Variants in TMEM212 observed in about 807,000 individuals in gnomAD.
TMEM212 encodes the protein transmembrane protein 212.
Under a neutral mutation model 20.5 loss-of-function variants are expected in TMEM212, and 23 were observed. That is an observed-to-expected ratio of 1.12 (90% confidence interval 0.81 to 1.59). TMEM212 has a LOEUF of 1.59. TMEM212 is among the 40% of genes most tolerant of loss of function. The pLI is 0.00. For synonymous variants in TMEM212, 76 were observed against 81.6 expected, an observed-to-expected ratio of 0.93 and a Z score of 0.37; for missense variants, 211 against 215.0, an observed-to-expected ratio of 0.98 and a Z score of 0.12.
In TMEM212 at chr3:171,843,516, G is replaced by C; in HGVS notation, c.133G>C (p.Ala45Pro). Residue 45 changes from alanine (A) to proline (P), a missense_variant, in exon 1 of 5, where the codon GCT becomes CCT. Physicochemically the swap from Ala to Pro is conservative, Grantham distance 27. Transcript: ENST00000334567. ...PWFTGWSVRI[A>P]CPIWNGALAI... ...GTTCACAGGATGGAGTGTTCGAATT[G>C]CTTGTCCTATCTGGAATGGAGCTTT... 6.5e-7 allele frequency: 1 copy of C among 1,535,774 alleles called. No homozygotes were observed. Among genetic ancestry groups the C allele is most frequent in the Non-Finnish European group, 8.7e-7 (1 of 1,146,186 alleles).
Position 171,843,533 on chromosome 3 carries a change from T to G in TMEM212, c.150T>G (p.Asn50Lys), listed in dbSNP as rs1724761861. 1 of 1,531,604 alleles carries G rather than the reference T, an allele frequency of 6.5e-7. No homozygotes were observed. The highest frequency in any genetic ancestry group is 1.4e-5 in the African/African-American group (1 of 72,924). 94.9% of individuals were successfully genotyped at this position (1,531,604 alleles called of 1,614,324 possible). The change falls in exon 1 of 5, where the codon AAT becomes AAG. Residue 50 changes from asparagine to lysine, a missense_variant. By Grantham distance (94) the Asn-to-Lys change is moderately conservative. Coordinates refer to ENST00000334567, the MANE Select transcript of TMEM212 (RefSeq NM_001164436.2). ...WSVRIACPIW[N>K]GALAITTGVL... ...TTCGAATTGCTTGTCCTATCTGGAA[T>G]GGAGCTTTGGTATGAAAATAGTTTA...
At chr3:171,856,632 T>G in intron 3 of TMEM212, 31 bp from the exon 4 acceptor site, 2 of 674,202 alleles carry the variant, frequency 3.0e-6, no homozygotes, top group African/African-American at 3.6e-5. Flanking sequence ...AGAAGCCTTA[T>G]CAAATTTGCT....
intron 1 of TMEM212, among the ~76,000 whole-genome samples, chr3:171,848,580 G>GAATAGAATAGA (rs1724891141): frequency 6.6e-4 from 96 of 144,632 alleles, no homozygotes; most frequent in African/African-American, 2.4e-3. Flanking sequence ...AATAGAATAG[G>GAATAGAATAGA]ATAGAATAGA....
intron 1 of TMEM212, among the ~76,000 whole-genome samples, chr3:171,851,100 G>A (rs1261020886): frequency 6.6e-6 from 1 of 152,046 alleles, no homozygotes; most frequent in Non-Finnish European, 1.5e-5. Flanking sequence ...ATTTAGAGCT[G>A]TCCATATTCT....
chr3:171,854,285 G>T (rs1013770520), intron 3 of TMEM212, among the ~76,000 whole-genome samples: 2 of 152,038 alleles, frequency 1.3e-5, no homozygotes, highest in African/African-American at 4.8e-5. Context: ...ATACCCTAAA[G>T]ACTCCATAAA....
intron 1 of TMEM212, among the ~76,000 whole-genome samples, chr3:171,848,433 C>A (rs1433591361): frequency 6.6e-6 from 1 of 152,216 alleles, no homozygotes; most frequent in Non-Finnish European, 1.5e-5. Context: ...TCTATACCCC[C>A]TTACCACTTG....
chr3:171,854,826 G>C (rs1255076466), intron 3 of TMEM212, among the ~76,000 whole-genome samples: 1 of 152,138 alleles, frequency 6.6e-6, no homozygotes, highest in Non-Finnish European at 1.5e-5. Context: ...ATAGAGCTCA[G>C]AAATAAACCC....
intron 1 of TMEM212, among the ~76,000 whole-genome samples, chr3:171,843,874 G>GA (rs754154750): frequency 1.1e-4 from 17 of 151,916 alleles, no homozygotes; most frequent in African/African-American, 3.4e-4. Flanking sequence ...TTTGAATTTA[G>GA]AAAAAAACAT....
rs775673822 is a variant in TMEM212 at position 171,859,213 on chromosome 3, T to A, written c.*1156T>A. ...ATTCCTAATGTAGATGATGAGTTGA[T>A]GGGTGTGGCAAACCAACATGGCACA... is the stretch of plus-strand genomic sequence containing the variant. On this transcript the variant is annotated 3_prime_UTR_variant, in exon 5 of 5. Coordinates refer to ENST00000334567, the MANE Select transcript of TMEM212 (RefSeq NM_001164436.2). 6.6e-6 allele frequency: 1 copy of A among 152,064 alleles called. No individual in the cohort carries two copies. The highest frequency in any genetic ancestry group is 1.5e-5 in the Non-Finnish European group (1 of 68,038). 9.4% of individuals were successfully genotyped at this position (152,064 alleles called of 1,614,324 possible).
intron 2 of TMEM212, among the ~76,000 whole-genome samples, chr3:171,852,820 G>A (rs945207784): frequency 5.9e-5 from 9 of 152,180 alleles, no homozygotes; most frequent in African/African-American, 2.2e-4. Flanking sequence ...TTATTGCCAT[G>A]GCTAACACAG....
chr3:171,858,181 G>A lies in TMEM212; in HGVS notation c.*124G>A, dbSNP rs968001366. The A allele has an allele frequency of 9.2e-5, 14 of 152,214 alleles. 1 individual carries two copies. The highest frequency in any genetic ancestry group is 1.6e-4 in the Non-Finnish European group (11 of 68,068). The allele number at this position is 152,214 out of a possible 1,614,324, so 9.4% of individuals were successfully genotyped here. The stretch of plus-strand genomic sequence containing the variant: ...ACCTGACTTCAAACTATTCTACAAG[G>A]CTACAGTTACCAAAACAGCATGGTA... On this transcript the variant is annotated 3_prime_UTR_variant, in exon 5 of 5. Transcript: ENST00000334567.
At chr3:171,851,344 C>A (rs1724972176) in intron 1 of TMEM212, among the ~76,000 whole-genome samples, 1 of 152,174 alleles carries the variant, frequency 6.6e-6, no homozygotes, top group Non-Finnish European at 1.5e-5. Flanking sequence ...TATTTTCATT[C>A]CACACTGTGG....
intron 2 of TMEM212, among the ~76,000 whole-genome samples, chr3:171,852,865 T>C (rs930622737): frequency 3.3e-5 from 5 of 152,238 alleles, no homozygotes; most frequent in Admixed American, 6.5e-5. Context: ...GTAAATCAAC[T>C]AGAGATCTGG....
intron 1 of TMEM212, among the ~76,000 whole-genome samples, chr3:171,847,329 G>C (rs1191654489): frequency 1.3e-5 from 2 of 152,248 alleles, no homozygotes; most frequent in African/African-American, 4.8e-5. Flanking sequence ...GCTGTACCCA[G>C]AGCCCTGCTT....
intron 1 of TMEM212, among the ~76,000 whole-genome samples, chr3:171,844,010 C>A (rs1480722615): frequency 6.6e-6 from 1 of 152,166 alleles, no homozygotes; most frequent in African/African-American, 2.4e-5. Context: ...TGTTTTTCCA[C>A]CTTTCTCTTG....
At position 171,858,503 on chromosome 3, in the gene TMEM212, T is replaced by C. The variant is rs919124036; in HGVS notation, c.*446T>C. The C allele has an allele frequency of 1.3e-5, 2 of 152,098 alleles. No individual in the cohort carries two copies. The highest frequency in any genetic ancestry group is 4.8e-5 in the African/African-American group (2 of 41,364). The allele number at this position is 152,098 out of a possible 1,614,324, so 9.4% of individuals were successfully genotyped here. A position where few individuals can be genotyped will look rare whatever the true frequency, so the allele number is the denominator to read the frequency against. ...AACCTAGGCAATACCATTCAGGACA[T>C]AGGCATGGGCAAAGACTTCATGACT... On this transcript the variant is annotated 3_prime_UTR_variant, in exon 5 of 5. Coordinates refer to ENST00000334567, the MANE Select transcript of TMEM212 (RefSeq NM_001164436.2).
intron 1 of TMEM212, among the ~76,000 whole-genome samples, chr3:171,846,686 GA>G (rs1049114998): frequency 2.0e-5 from 3 of 152,098 alleles, no homozygotes; most frequent in Admixed American, 1.3e-4. Context: ...ACTAGTGCAG[GA>G]AAAAATCCTC....
chr3:171,853,061 C>T (rs1204013667), intron 2 of TMEM212, among the ~76,000 whole-genome samples: 2 of 152,156 alleles, frequency 1.3e-5, no homozygotes, highest in East Asian at 3.8e-4. Context: ...TAGTTGCTTC[C>T]ATGTGATGGG....
chr3:171,848,628 AGAGTGGAGTG>A (rs1010079313), intron 1 of TMEM212, among the ~76,000 whole-genome samples: 3 of 152,154 alleles, frequency 2.0e-5, no homozygotes, highest in South Asian at 2.1e-4. Context: ...AGAACAGAGT[AGAGTGGAGTG>A]GAGTGGAGTG....
Sources: allele counts gnomAD v4.1 joint callset (sites outside exome capture counted in the v4.1 genomes callset), GRCh38; gene constraint gnomAD v4.1.1; transcripts MANE v1.5; gene names NCBI Gene and HGNC (gene_info 2026-07-23, HGNC 2026-07-21).